Variants in METTL15 observed in about 807,000 individuals in gnomAD.
METTL15 encodes the protein 12S rRNA N(4)-cytidine methyltransferase METTL15.
In METTL15, 34 loss-of-function variants were observed where a neutral mutation model predicts 38.3. The ratio of observed to expected loss-of-function variants is 0.89; its 90% confidence interval spans 0.68 to 1.18. The LOEUF is 1.18. Among genes scored for constraint, METTL15 ranks in the 50% most tolerant of loss-of-function variants. The probability of loss-of-function intolerance (pLI) is 0.00; values close to 1 mark genes in which losing one functional copy is unlikely to be tolerated. For synonymous variants in METTL15, 162 were observed against 170.9 expected, an observed-to-expected ratio of 0.95 and a Z score of 0.41; for missense variants, 438 against 498.4, an observed-to-expected ratio of 0.88 and a Z score of 1.15.
At chr11:28,173,950 G>T (rs1850954707) in intron 3 of METTL15, among the ~76,000 whole-genome samples, 2 of 152,060 alleles carry the variant, frequency 1.3e-5, no homozygotes, top group African/African-American at 4.8e-5. Flanking sequence ...TCATGTCAAG[G>T]GTATGTACTA....
chr11:28,372,398 G>A (rs1850253483), intron 5 of METTL15, among the ~76,000 whole-genome samples: 2 of 146,692 alleles, frequency 1.4e-5, no homozygotes, highest in South Asian at 2.2e-4. Flanking sequence ...GAGGATTTTT[G>A]TATCGATGTT....
intron 5 of METTL15, among the ~76,000 whole-genome samples, chr11:28,404,877 C>G (rs1437500072): frequency 6.6e-6 from 1 of 152,002 alleles, no homozygotes. Flanking sequence ...CCATCTTCCT[C>G]TTGATAGCAT....
chr11:28,398,199 C>T (rs545841085), intron 5 of METTL15, among the ~76,000 whole-genome samples: 2 of 151,810 alleles, frequency 1.3e-5, no homozygotes, highest in East Asian at 3.9e-4. Flanking sequence ...TGCACATGTA[C>T]CCCAGAACTT....
intron 3 of METTL15, among the ~76,000 whole-genome samples, chr11:28,204,476 A>T (rs1852238396): frequency 8.0e-6 from 1 of 125,606 alleles, no homozygotes; most frequent in Non-Finnish European, 1.6e-5. Flanking sequence ...AAAGGGATAT[A>T]ATGCCAGTTG....
intron 3 of METTL15, among the ~76,000 whole-genome samples, chr11:28,151,038 A>G (rs1004983739): frequency 6.6e-6 from 1 of 151,544 alleles, no homozygotes; most frequent in Non-Finnish European, 1.5e-5. Flanking sequence ...AAAGGAAAAA[A>G]AGGTAATAAG....
intron 3 of METTL15, among the ~76,000 whole-genome samples, chr11:28,173,547 A>G: frequency 6.6e-6 from 1 of 152,216 alleles, no homozygotes; most frequent in East Asian, 1.9e-4. Flanking sequence ...AAGACATGAT[A>G]TAACCTATAC....
chr11:28,397,772 A>G (rs995309476), intron 5 of METTL15, among the ~76,000 whole-genome samples: 10 of 152,178 alleles, frequency 6.6e-5, no homozygotes, highest in African/African-American at 2.4e-4. Flanking sequence ...TCATGCTGCT[A>G]TAAAGACACA....
At chr11:28,327,013 C>G (rs1182761662) in intron 6 of METTL15, among the ~76,000 whole-genome samples, 2 of 151,902 alleles carry the variant, frequency 1.3e-5, no homozygotes, top group African/African-American at 4.8e-5. Flanking sequence ...AGCCTTTCTT[C>G]CTAAAAATTA....
chr11:28,452,511 C>T (rs1476201545), intron 6 of METTL15, among the ~76,000 whole-genome samples: 1 of 152,078 alleles, frequency 6.6e-6, no homozygotes, highest in Non-Finnish European at 1.5e-5. Flanking sequence ...AGGGTATAAA[C>T]ATTAAGTAAG....
intron 3 of METTL15, among the ~76,000 whole-genome samples, chr11:28,160,477 T>G (rs187821802): frequency 2.3e-4 from 35 of 152,228 alleles, no homozygotes; most frequent in Admixed American, 1.3e-3. Flanking sequence ...AAGATTTTGG[T>G]AGAGCTTAAT....
chr11:28,344,555 C>T (rs867914833), intron 3 of METTL15, among the ~76,000 whole-genome samples: 3 of 152,158 alleles, frequency 2.0e-5, no homozygotes, highest in Non-Finnish European at 2.9e-5. Flanking sequence ...CCACATGTGA[C>T]CCAGTGATAT....
At chr11:28,464,698 C>T (rs1042809034) in intron 6 of METTL15, among the ~76,000 whole-genome samples, 1 of 152,200 alleles carries the variant, frequency 6.6e-6, no homozygotes, top group Non-Finnish European at 1.5e-5. Flanking sequence ...GCTTTATCTA[C>T]ATTCTATGCT....
intron 6 of METTL15, among the ~76,000 whole-genome samples, chr11:28,485,474 T>G (rs1851430828): frequency 6.6e-6 from 1 of 151,928 alleles, no homozygotes; most frequent in African/African-American, 2.4e-5. Context: ...CATTCAGAAA[T>G]TCACACTAGT....
chr11:28,319,955 T>G (rs998332438), intron 6 of METTL15, among the ~76,000 whole-genome samples: 13 of 152,198 alleles, frequency 8.5e-5, no homozygotes, highest in Non-Finnish European at 2.9e-5. Flanking sequence ...TCTTCTGTCT[T>G]TCTTCTTCAC....
At chr11:28,415,834 A>T (rs1007894211) in intron 5 of METTL15, among the ~76,000 whole-genome samples, 9 of 152,194 alleles carry the variant, frequency 5.9e-5, no homozygotes, top group Non-Finnish European at 1.0e-4. Context: ...AATCCATGTT[A>T]GGTAGCTTAG....
intron 3 of METTL15, chr11:28,163,736 ATTTTTATTGTTGTTAAT>A (rs1850556653): frequency 3.2e-6 from 1 of 309,224 alleles, no homozygotes; most frequent in Admixed American, 4.9e-5. Flanking sequence ...TTAGTGAGCT[ATTTTTATTGTTGTTAAT>A]TTTTTAAGTC....
At chr11:28,431,195 G>T (rs1850924344) in intron 6 of METTL15, among the ~76,000 whole-genome samples, 1 of 124,674 alleles carries the variant, frequency 8.0e-6, no homozygotes, top group African/African-American at 2.6e-5. Flanking sequence ...GCCCCGTCCG[G>T]GAGGTGAGGG....
rs1367827906 is a variant in METTL15 at position 28,181,066 on chromosome 11, G to A, written c.271-29996G>A. ...TTCTCTCCTTTCCTCTTTGTCCTGT[G>A]GAGCTAGAAAATAATGAAAAGTCAA... is the stretch of plus-strand genomic sequence containing the variant. On this transcript the variant is annotated intron_variant, in intron 3 of 6. Transcript: ENST00000407364. 1.3e-4 allele frequency among the ~76,000 whole-genome samples: 19 copies of A among 151,420 alleles called. No homozygotes were observed. In the Admixed American group the frequency reaches 1.3e-3, roughly 10 times the overall value.
intron 4 of METTL15, among the ~76,000 whole-genome samples, chr11:28,236,238 T>G (rs577647731): frequency 6.6e-6 from 1 of 152,208 alleles, no homozygotes; most frequent in South Asian, 2.1e-4. Flanking sequence ...TTTGCATCAA[T>G]GTTCATCAAG....
Sources: gnomAD v4.1 joint callset for allele counts (sites outside exome capture counted in the v4.1 genomes callset) on GRCh38, gnomAD v4.1.1 for gene constraint, MANE v1.5 for transcripts, NCBI Gene and HGNC (gene_info 2026-07-23, HGNC 2026-07-21) for gene names.